The following DCDC1 variants were observed in gnomAD, a reference collection of about 807,000 sequenced individuals.
DCDC1 encodes the protein doublecortin domain containing 1.
Under a neutral mutation model 178.3 loss-of-function variants are expected in DCDC1, and 200 were observed. The observed-to-expected ratio is 1.12, with a 90% CI of 1.00 to 1.26. The LOEUF is 1.26. Among genes scored for constraint, DCDC1 ranks in the 50% most tolerant of loss-of-function variants. The pLI is 0.00. For synonymous variants in DCDC1, 690 were observed against 604.8 expected, an observed-to-expected ratio of 1.14 and a Z score of -2.07; for missense variants, 1,983 against 1,749.2, an observed-to-expected ratio of 1.13 and a Z score of -2.38.
chr11:31,011,287 T>C (rs1425194435), intron 20 of DCDC1, among the ~76,000 whole-genome samples: 1 of 152,198 alleles, frequency 6.6e-6, no homozygotes, highest in Non-Finnish European at 1.5e-5. Flanking sequence ...AGCACAGTCA[T>C]GAAAGAAAAT....
At chr11:31,303,641 T>C (rs551967709) in intron 6 of DCDC1, among the ~76,000 whole-genome samples, 1 of 152,242 alleles carries the variant, frequency 6.6e-6, no homozygotes, top group East Asian at 1.9e-4. Context: ...TGTATATATG[T>C]TTACATTTAT....
chr11:31,327,881 C>A (rs1456113611), intron 3 of DCDC1, among the ~76,000 whole-genome samples: 1 of 151,964 alleles, frequency 6.6e-6, no homozygotes, highest in Non-Finnish European at 1.5e-5. Flanking sequence ...GTTCCCATGA[C>A]CATGTCCGGC....
intron 9 of DCDC1, among the ~76,000 whole-genome samples, chr11:31,193,123 GACTGAATTACATC>G (rs1451981121): frequency 1.3e-5 from 2 of 152,030 alleles, no homozygotes; most frequent in African/African-American, 4.8e-5. Context: ...TTTGGACTCA[GACTGAATTACATC>G]ACTGGCTTTC....
intron 35 of DCDC1, 33 bp downstream of exon 35, chr11:30,894,215 A>G: frequency 6.3e-7 from 1 of 1,590,494 alleles, no homozygotes; most frequent in Non-Finnish European, 8.5e-7. Flanking sequence ...AAAAGGGCAG[A>G]GTCTTTAATG....
intron 9 of DCDC1, among the ~76,000 whole-genome samples, chr11:31,157,863 T>TA (rs1480948416): frequency 1.3e-5 from 2 of 152,150 alleles, no homozygotes; most frequent in Non-Finnish European, 2.9e-5. Context: ...TTTACTACAA[T>TA]AAAAAAGTAG....
At chr11:31,034,752 T>C (rs1246490891) in intron 20 of DCDC1, among the ~76,000 whole-genome samples, 1 of 152,228 alleles carries the variant, frequency 6.6e-6, no homozygotes, top group Non-Finnish European at 1.5e-5. Context: ...TTTCACAGAA[T>C]ATATGGGGTC....
intron 17 of DCDC1, among the ~76,000 whole-genome samples, chr11:31,086,382 T>G (rs1435790722): frequency 6.6e-6 from 1 of 152,196 alleles, no homozygotes; most frequent in Non-Finnish European, 1.5e-5. Flanking sequence ...ATTGTATATC[T>G]TCCCTGTTAA....
chr11:31,015,255 C>T (rs759266883), intron 20 of DCDC1, among the ~76,000 whole-genome samples: 3 of 152,166 alleles, frequency 2.0e-5, no homozygotes, highest in Admixed American at 6.5e-5. Flanking sequence ...GCCTATTCTC[C>T]TTTTCTTGAT....
intron 20 of DCDC1, among the ~76,000 whole-genome samples, chr11:31,035,068 T>A (rs185885684): frequency 7.5e-4 from 115 of 152,338 alleles, no homozygotes; most frequent in Middle Eastern, 3.4e-3. Flanking sequence ...TTGCTTTGTT[T>A]CAGAATTATA....
At chr11:31,342,771 T>C (rs1950611996) in intron 1 of DCDC1, among the ~76,000 whole-genome samples, 1 of 152,096 alleles carries the variant, frequency 6.6e-6, no homozygotes, top group East Asian at 1.9e-4. Flanking sequence ...CAGAAAAAAA[T>C]CCACTGACTG....
chr11:30,955,435 A>C (rs1216956312), intron 20 of DCDC1, among the ~76,000 whole-genome samples: 2 of 152,146 alleles, frequency 1.3e-5, no homozygotes, highest in African/African-American at 4.8e-5. Context: ...ATTATCCAAC[A>C]TCTTTTCATT....
At chr11:31,014,592 A>T (rs1952369529) in intron 20 of DCDC1, among the ~76,000 whole-genome samples, 1 of 152,180 alleles carries the variant, frequency 6.6e-6, no homozygotes, top group African/African-American at 2.4e-5. Flanking sequence ...GGTAATTTTT[A>T]TATAGCAAGA....
chr11:31,029,019 G>T (rs980788965), intron 20 of DCDC1, among the ~76,000 whole-genome samples: 1 of 151,944 alleles, frequency 6.6e-6, no homozygotes, highest in African/African-American at 2.4e-5. Flanking sequence ...AAGATTTTAC[G>T]ATGACAATGT....
intron 20 of DCDC1, among the ~76,000 whole-genome samples, chr11:31,031,504 C>T (rs1294203911): frequency 6.6e-6 from 1 of 151,888 alleles, no homozygotes. Context: ...GTTTATCTTA[C>T]AAGAATTTGA....
chr11:31,101,432 G>C (rs974487932), intron 15 of DCDC1, among the ~76,000 whole-genome samples: 1 of 152,084 alleles, frequency 6.6e-6, no homozygotes, highest in South Asian at 2.1e-4. Flanking sequence ...TGGACCTTCA[G>C]GATTGGGTTG....
chr11:31,182,963 T>TA (rs750457019), intron 9 of DCDC1, among the ~76,000 whole-genome samples: 7 of 151,796 alleles, frequency 4.6e-5, no homozygotes, highest in Non-Finnish European at 1.0e-4. Context: ...TAATCTCTGA[T>TA]AAAACAGACT....
chr11:31,273,377 C>T (rs1277418388), intron 7 of DCDC1, among the ~76,000 whole-genome samples: 1 of 152,174 alleles, frequency 6.6e-6, no homozygotes, highest in Non-Finnish European at 1.5e-5. Flanking sequence ...TTTCTTCCAC[C>T]AGATACCCTA....
chr11:31,225,368 G>A (rs1457094438), intron 9 of DCDC1, among the ~76,000 whole-genome samples: 1 of 149,646 alleles, frequency 6.7e-6, no homozygotes, highest in Non-Finnish European at 1.5e-5. Flanking sequence ...TGGGGACATG[G>A]GGGAAAGTTG....
At chr11:31,295,739 C>T (rs1333988518) in intron 6 of DCDC1, among the ~76,000 whole-genome samples, 1 of 152,118 alleles carries the variant, frequency 6.6e-6, no homozygotes, top group East Asian at 1.9e-4. Flanking sequence ...TGAGAGTATT[C>T]CCTCAACAAG....
Sources: gnomAD v4.1 joint callset for allele counts (sites outside exome capture counted in the v4.1 genomes callset) on GRCh38, gnomAD v4.1.1 for gene constraint, MANE v1.5 for transcripts, NCBI Gene and HGNC (gene_info 2026-07-23, HGNC 2026-07-21) for gene names.